Variants in ROBO1 observed in about 807,000 individuals in gnomAD.
ROBO1 encodes the protein roundabout guidance receptor 1, also known as roundabout homolog 1.
In ROBO1, 149 loss-of-function variants were observed where a neutral mutation model predicts 195.9. The observed-to-expected ratio is 0.76, with a 90% CI of 0.67 to 0.87. The LOEUF (loss-of-function observed/expected upper bound fraction) is 0.87. ROBO1 is among the 40% of genes least tolerant of loss of function. The pLI is 0.00. For synonymous variants in ROBO1, 816 were observed against 733.2 expected, an observed-to-expected ratio of 1.11 and a Z score of -1.82; for missense variants, 1,933 against 2,068.3, an observed-to-expected ratio of 0.93 and a Z score of 1.27.
intron 2 of ROBO1, among the ~76,000 whole-genome samples, chr3:79,519,460 C>G (rs1941102545): frequency 6.6e-6 from 1 of 151,566 alleles, no homozygotes; most frequent in Non-Finnish European, 1.5e-5. Flanking sequence ...GAAACCCCAT[C>G]TCTACTAAAA....
chr3:79,365,412 C>G (rs1030140355), intron 2 of ROBO1, among the ~76,000 whole-genome samples: 29 of 152,150 alleles, frequency 1.9e-4, no homozygotes, highest in African/African-American at 6.5e-4. Flanking sequence ...ATCATAGCCC[C>G]ATGGGAACTC....
At chr3:79,165,952 C>G (rs2108678828) in intron 2 of ROBO1, among the ~76,000 whole-genome samples, 1 of 152,300 alleles carries the variant, frequency 6.6e-6, no homozygotes, top group South Asian at 2.1e-4. Context: ...TGAAGCTTCC[C>G]TGATGGAAGA....
intron 1 of ROBO1, among the ~76,000 whole-genome samples, chr3:79,614,889 T>A (rs1236083926): frequency 1.3e-5 from 2 of 152,066 alleles, no homozygotes; most frequent in Non-Finnish European, 2.9e-5. Flanking sequence ...CCAATTATAA[T>A]CATGGACATT....
intron 4 of ROBO1, among the ~76,000 whole-genome samples, chr3:78,794,213 T>C (rs1461392576): frequency 1.3e-5 from 2 of 152,144 alleles, no homozygotes; most frequent in Non-Finnish European, 2.9e-5. Flanking sequence ...CCTGGGTAGG[T>C]CACTTAGCCT....
intron 2 of ROBO1, among the ~76,000 whole-genome samples, chr3:79,470,378 G>T (rs1938204170): frequency 6.6e-6 from 1 of 152,134 alleles, no homozygotes; most frequent in Non-Finnish European, 1.5e-5. Context: ...CCTGGACACA[G>T]GAAAGGGAAC....
At chr3:78,794,768 G>T (rs1370711875) in intron 4 of ROBO1, among the ~76,000 whole-genome samples, 1 of 151,964 alleles carries the variant, frequency 6.6e-6, no homozygotes, top group Non-Finnish European at 1.5e-5. Context: ...TTTTAATAAA[G>T]ACAGAGTTTT....
At chr3:79,648,263 T>C (rs2106724825) in intron 1 of ROBO1, among the ~76,000 whole-genome samples, 1 of 152,258 alleles carries the variant, frequency 6.6e-6, no homozygotes, top group South Asian at 2.1e-4. Context: ...CCATTAGGTA[T>C]GTCTGCATTT....
At chr3:79,218,461 T>C (rs1165119147) in intron 2 of ROBO1, among the ~76,000 whole-genome samples, 1 of 151,964 alleles carries the variant, frequency 6.6e-6, no homozygotes, top group Non-Finnish European at 1.5e-5. Context: ...CTACCACAAA[T>C]AAATTCTTTT....
chr3:79,192,767 C>A (rs1402376757), intron 2 of ROBO1, among the ~76,000 whole-genome samples: 4 of 151,580 alleles, frequency 2.6e-5, no homozygotes, highest in African/African-American at 4.8e-5. Context: ...AAAAAATAAT[C>A]TTTTACTTAA....
chr3:79,099,825 A>T (rs2079642710), intron 3 of ROBO1, among the ~76,000 whole-genome samples: 1 of 151,654 alleles, frequency 6.6e-6, no homozygotes, highest in Non-Finnish European at 1.5e-5. Context: ...TACCACCCTA[A>T]CTCCCAAAAG....
intron 1 of ROBO1, among the ~76,000 whole-genome samples, chr3:79,710,403 C>T (rs530287456): frequency 6.6e-6 from 1 of 152,172 alleles, no homozygotes; most frequent in South Asian, 2.1e-4. Context: ...TAGCAAACTA[C>T]TCAGCAGCCA....
At chr3:79,014,433 A>G (rs554217001) in intron 3 of ROBO1, among the ~76,000 whole-genome samples, 3 of 152,278 alleles carry the variant, frequency 2.0e-5, no homozygotes, top group African/African-American at 7.2e-5. Context: ...AGATCACACC[A>G]CCACACTCCA....
intron 1 of ROBO1, among the ~76,000 whole-genome samples, chr3:79,708,418 A>G (rs1248887877): frequency 1.3e-5 from 2 of 152,216 alleles, no homozygotes; most frequent in Admixed American, 6.6e-5. Context: ...TCTGCCACAT[A>G]AAACACGAAT....
intron 1 of ROBO1, among the ~76,000 whole-genome samples, chr3:79,599,051 C>T (rs1944263857): frequency 6.6e-6 from 1 of 152,060 alleles, no homozygotes; most frequent in Admixed American, 6.6e-5. Context: ...GTACTCAGGG[C>T]TGGGAGACAT....
At chr3:78,746,089 A>T (rs1000025527) in intron 5 of ROBO1, among the ~76,000 whole-genome samples, 2 of 152,178 alleles carry the variant, frequency 1.3e-5, no homozygotes, top group African/African-American at 4.8e-5. Flanking sequence ...TTTAGCCAAC[A>T]TCTTCCAAGA....
At chr3:78,788,444 A>T (rs1164002050) in intron 4 of ROBO1, among the ~76,000 whole-genome samples, 2 of 146,068 alleles carry the variant, frequency 1.4e-5, no homozygotes, top group Non-Finnish European at 3.0e-5. Context: ...TTTTTTTAAA[A>T]AAAAAAAAAA....
At chr3:79,481,885 G>A (rs566739994) in intron 2 of ROBO1, among the ~76,000 whole-genome samples, 23 of 152,204 alleles carry the variant, frequency 1.5e-4, no homozygotes, top group African/African-American at 5.5e-4. Context: ...TAAAAATTAT[G>A]TGAAACAAGA....
chr3:79,308,442 A>G (rs577805140), intron 2 of ROBO1, among the ~76,000 whole-genome samples: 2 of 152,340 alleles, frequency 1.3e-5, no homozygotes, highest in Non-Finnish European at 2.9e-5. Context: ...CCACCAGAAG[A>G]CTTTCACTTT....
chr3:79,465,992 A>G (rs1937935430), intron 2 of ROBO1, among the ~76,000 whole-genome samples: 2 of 151,964 alleles, frequency 1.3e-5, no homozygotes, highest in South Asian at 4.1e-4. Flanking sequence ...CAGCTTTTAT[A>G]TATGATAATG....
Sources: gnomAD v4.1 joint callset for allele counts (sites outside exome capture counted in the v4.1 genomes callset) on GRCh38, gnomAD v4.1.1 for gene constraint, MANE v1.5 for transcripts, NCBI Gene and HGNC (gene_info 2026-07-23, HGNC 2026-07-21) for gene names.